The following DNAJC17 variants were observed in gnomAD, a reference collection of about 807,000 sequenced individuals.
DNAJC17 encodes the protein dnaJ homolog subfamily C member 17.
DNAJC17 carries 35 observed loss-of-function variants against 48.1 expected under a neutral mutation model. The ratio of observed to expected loss-of-function variants is 0.73; its 90% CI spans 0.56 to 0.96. The LOEUF (loss-of-function observed/expected upper bound fraction) is 0.96. Among genes scored for constraint, DNAJC17 ranks in the 50% least tolerant of loss-of-function variants. The probability of loss-of-function intolerance (pLI) is 0.00; values close to 1 mark genes in which losing one functional copy is unlikely to be tolerated. For missense variants in DNAJC17, 355 were observed against 377.1 expected, an observed-to-expected ratio of 0.94 and a Z score of 0.48; for synonymous variants, 117 against 142.7, an observed-to-expected ratio of 0.82 and a Z score of 1.28.
Position 40,779,611 on chromosome 15 carries a change from T to A in DNAJC17, c.149-8A>T. ...GCTGGTGGAAGAGTTCAGCTAAACATAAGGATCAAAAAGACAGAAGAAAAA... is the reference window on the plus strand; with the variant it reads ...GCTGGTGGAAGAGTTCAGCTAAACAAAAGGATCAAAAAGACAGAAGAAAAA... On this transcript the variant is annotated splice_polypyrimidine_tract_variant and splice_region_variant and intron_variant, in intron 2 of 10. Transcript: ENST00000220496. The A allele has an allele frequency of 1.9e-6, 3 of 1,612,136 alleles. No homozygotes were observed. The highest frequency in any genetic ancestry group is 2.5e-6 in the Non-Finnish European group (3 of 1,179,680).
intron 1 of DNAJC17, among the ~76,000 whole-genome samples, chr15:40,799,994 GT>G (rs146472481): frequency 0.024 from 3,601 of 149,506 alleles, 141 homozygotes; most frequent in African/African-American, 0.084. Context: ...TCACACCAGG[GT>G]TTTTTTTTTG....
At chr15:40,773,679 A>C in intron 10 of DNAJC17, 48 bp downstream of exon 10, 82 of 1,461,158 alleles carry the variant, frequency 5.6e-5, no homozygotes, top group Non-Finnish European at 7.1e-5. Context: ...CCAGGTAGGA[A>C]GAGCTCCGAG....
intron 1 of DNAJC17, among the ~76,000 whole-genome samples, chr15:40,794,386 T>G (rs1264482393): frequency 1.3e-5 from 2 of 151,762 alleles, no homozygotes; most frequent in Admixed American, 1.3e-4. Context: ...AACCTGTTAC[T>G]TTCGGCTGGG....
chr15:40,776,847 G>T lies in DNAJC17; in HGVS notation c.296-220C>A, dbSNP rs969578195. On this transcript the variant is annotated intron_variant, in intron 4 of 10. Coordinates refer to ENST00000220496, the MANE Select transcript of DNAJC17 (RefSeq NM_018163.3). Reference sequence around the variant, plus strand: ...TAGCAGAGTGGCCAGGGGTCTGGAAGAGTTAAAAACAGCTCACACTGACCA... The same window carrying T: ...TAGCAGAGTGGCCAGGGGTCTGGAATAGTTAAAAACAGCTCACACTGACCA... 4.4e-5 allele frequency: 24 copies of T among 541,406 alleles called. No homozygotes were observed. In the East Asian group the frequency reaches 7.5e-4, roughly 17 times the overall value. The allele number at this position is 541,406 out of a possible 1,614,324, so 33.5% of individuals were successfully genotyped here.
At chr15:40,797,322 A>T (rs1168311687) in intron 1 of DNAJC17, among the ~76,000 whole-genome samples, 1 of 152,152 alleles carries the variant, frequency 6.6e-6, no homozygotes, top group Non-Finnish European at 1.5e-5. Flanking sequence ...GTGAGCTGTG[A>T]TCGCACAATT....
intron 6 of DNAJC17, 60 bp downstream of exon 6, chr15:40,776,136 C>T: frequency 1.3e-6 from 2 of 1,542,750 alleles, no homozygotes; most frequent in Non-Finnish European, 1.8e-6. Flanking sequence ...GCCAGTGTGG[C>T]CGCTCTGAGC....
chr15:40,779,764 A>C (rs1889429668), intron 2 of DNAJC17, 161 bp from the exon 3 acceptor site: 1 of 1,080,548 alleles, frequency 9.3e-7, no homozygotes. Context: ...CATATCAGCA[A>C]CTGACCAGAC....
chr15:40,770,866 CAG>C lies in DNAJC17; in HGVS notation c.793-2806_793-2805del. ...CTGTCGAGTGCCCTCCACCAGCACT[CAG>C]AGAAGGGCCTTGTGGACACTCCCTG... On this transcript the variant is annotated intron_variant, in intron 10 of 10. Transcript: ENST00000220496. This position sits in a 1 kb window ranked among gnomAD's most constrained non-coding sequence, Gnocchi z 5.0. The C allele has an allele frequency of 6.4e-7, 1 of 1,551,554 alleles. No individual in the cohort carries two copies. The highest frequency in any genetic ancestry group is 8.7e-7 in the Non-Finnish European group (1 of 1,146,994).
chr15:40,765,838 C>G lies in DNAJC17; in HGVS notation c.*2102G>C, dbSNP rs748471931. The G allele has an allele frequency of 3.8e-6, 6 of 1,569,092 alleles. No homozygotes were observed. In the African/African-American group the frequency reaches 8.1e-5, roughly 21 times the overall value. ...GGCTTACCTTGCAGGAGGTGGGCCC[C>G]ACTATGGTGGGCGATGAACAGTCGG... is the stretch of plus-strand genomic sequence containing the variant. On this transcript the variant is annotated 3_prime_UTR_variant, in exon 11 of 11. Coordinates refer to ENST00000220496, the MANE Select transcript of DNAJC17 (RefSeq NM_018163.3).
At chr15:40,791,237 AT>A (rs1445894436) in intron 1 of DNAJC17, among the ~76,000 whole-genome samples, 1 of 152,132 alleles carries the variant, frequency 6.6e-6, no homozygotes, top group Non-Finnish European at 1.5e-5. Context: ...TACAAAAAAA[AT>A]TTTAAAAAGC....
At chr15:40,778,927 C>T (rs1260051496) in intron 4 of DNAJC17, among the ~76,000 whole-genome samples, 4 of 152,118 alleles carry the variant, frequency 2.6e-5, no homozygotes, top group Admixed American at 1.3e-4. Flanking sequence ...GGGTGAGACC[C>T]TGTCTCAAAA....
At chr15:40,777,105 A>G (rs1314143548) in intron 4 of DNAJC17, among the ~76,000 whole-genome samples, 1 of 152,138 alleles carries the variant, frequency 6.6e-6, no homozygotes, top group Non-Finnish European at 1.5e-5. Flanking sequence ...ACCTGGCTAC[A>G]GGGATGGGCA....
intron 1 of DNAJC17, among the ~76,000 whole-genome samples, chr15:40,793,329 A>C (rs1889860437): frequency 6.6e-6 from 1 of 152,098 alleles, no homozygotes; most frequent in African/African-American, 2.4e-5. Context: ...AACCTCATTC[A>C]TTGCACCTCA....
chr15:40,768,153 C>T (rs183709111), intron 10 of DNAJC17, 91 bp from the exon 11 acceptor site: 2 of 1,419,994 alleles, frequency 1.4e-6, no homozygotes, highest in South Asian at 1.6e-5. Flanking sequence ...GTGCTGCGTT[C>T]TAAGAGTCTC....
intron 1 of DNAJC17, among the ~76,000 whole-genome samples, chr15:40,790,201 G>A (rs1256827408): frequency 6.6e-6 from 1 of 151,992 alleles, no homozygotes. Context: ...GACTCTCTGG[G>A]GCCCACAGAC....
intron 1 of DNAJC17, among the ~76,000 whole-genome samples, chr15:40,805,924 T>A (rs904130152): frequency 6.6e-5 from 10 of 151,324 alleles, no homozygotes; most frequent in African/African-American, 2.2e-4. Context: ...AAAAAAAAAA[T>A]ACTGTCTAGG....
In DNAJC17 at chr15:40,780,508, G is replaced by A. The variant is rs377022684; in HGVS notation, c.79-511C>T. On this transcript the variant is annotated intron_variant, in intron 1 of 10. Transcript: ENST00000220496. ...GCCAGCCAAGATCCCCATCAACGGG[G>A]AGACTCATTTAAAAGATTATGATTG... is the stretch of plus-strand genomic sequence containing the variant. The A allele has an allele frequency of 2.4e-4, 89 of 368,778 alleles. 1 individual carries two copies. The highest frequency in any genetic ancestry group is 1.8e-3 in the South Asian group (87 of 49,362). The allele number at this position is 368,778 out of a possible 1,614,324, so 22.8% of individuals were successfully genotyped here.
intron 1 of DNAJC17, among the ~76,000 whole-genome samples, chr15:40,793,739 G>A (rs1333067847): frequency 2.0e-5 from 3 of 151,836 alleles, no homozygotes; most frequent in African/African-American, 7.3e-5. Context: ...CATAGTGAGC[G>A]CTCACTCTAT....
Position 40,769,020 on chromosome 15 carries a change from C to T in DNAJC17, c.793-958G>A, listed in dbSNP as rs1196861105. On this transcript the variant is annotated intron_variant, in intron 10 of 10. Transcript: ENST00000220496. This position sits in a 1 kb window ranked among gnomAD's most constrained non-coding sequence, Gnocchi z 4.2. ...GAGGAAAATGTGGTGGTCAGTGACC[C>T]GGGGAATAGGAAGGGAGCAGCTAGG... Among the ~76,000 whole-genome samples, 3 of 152,216 alleles carry T rather than the reference C, an allele frequency of 2.0e-5. No individual in the cohort carries two copies. Among genetic ancestry groups the T allele is most frequent in the East Asian group, 1.9e-4 (1 of 5,196 alleles).
Sources: gnomAD v4.1 joint callset for allele counts (sites outside exome capture counted in the v4.1 genomes callset) on GRCh38, gnomAD v4.1.1 for gene constraint, Gnocchi (gnomAD v3.1) non-coding constraint, MANE v1.5 for transcripts, NCBI Gene and HGNC (gene_info 2026-07-23, HGNC 2026-07-21) for gene names.